PRKN: variants seen among roughly 807,000 people sequenced by gnomAD.
The protein encoded by PRKN is E3 ubiquitin-protein ligase parkin.
In PRKN, 56 loss-of-function variants were observed where a neutral mutation model predicts 59.5. The observed-to-expected ratio is 0.94, with a 90% CI of 0.76 to 1.18. The LOEUF is 1.18. PRKN is among the 50% of genes most tolerant of loss of function. The pLI is 0.00. For synonymous variants in PRKN, 250 were observed against 222.1 expected, an observed-to-expected ratio of 1.13 and a Z score of -1.12; for missense variants, 657 against 596.4, an observed-to-expected ratio of 1.10 and a Z score of -1.06.
chr6:162,151,031 T>A (rs1431854349), intron 4 of PRKN, among the ~76,000 whole-genome samples: 1 of 152,126 alleles, frequency 6.6e-6, no homozygotes, highest in East Asian at 1.9e-4. Context: ...AGTGAAGATC[T>A]ATATGAGGCA....
intron 4 of PRKN, among the ~76,000 whole-genome samples, chr6:162,095,196 G>A (rs527953232): frequency 6.6e-6 from 1 of 152,246 alleles, no homozygotes; most frequent in African/African-American, 2.4e-5. Flanking sequence ...TGGAGTTAGA[G>A]ATGATCAAAT....
intron 7 of PRKN, among the ~76,000 whole-genome samples, chr6:161,643,828 TAAC>T (rs1267909436): frequency 3.3e-5 from 5 of 152,204 alleles, no homozygotes; most frequent in African/African-American, 1.2e-4. Flanking sequence ...GGCATAATAA[TAAC>T]AACAATGACA....
At position 161,357,236 on chromosome 6, in the gene PRKN, G is replaced by C. The variant is rs1253817613; in HGVS notation, c.1285+2852C>G. On this transcript the variant is annotated intron_variant, in intron 11 of 11. Transcript: ENST00000366898. The surrounding 1 kb of genome is among the most constrained non-coding windows in gnomAD (Gnocchi z 5.5). ...CCAGCTAACTTTTCTATTTTTAGTG[G>C]AGACGGGGTTTCGCCATGTTGGCCA... is the stretch of plus-strand genomic sequence containing the variant. Among the ~76,000 whole-genome samples, 1 of 152,096 alleles carries C rather than the reference G, an allele frequency of 6.6e-6. No individual in the cohort carries two copies. Among genetic ancestry groups the C allele is most frequent in the African/African-American group, 2.4e-5 (1 of 41,420 alleles).
intron 9 of PRKN, among the ~76,000 whole-genome samples, chr6:161,519,834 C>G (rs887431119): frequency 6.6e-6 from 1 of 152,066 alleles, no homozygotes; most frequent in Non-Finnish European, 1.5e-5. Context: ...CAGCGCATTC[C>G]TCCATCTTAT....
At chr6:162,313,575 C>T (rs1782622019) in intron 2 of PRKN, among the ~76,000 whole-genome samples, 1 of 151,986 alleles carries the variant, frequency 6.6e-6, no homozygotes, top group Non-Finnish European at 1.5e-5. Context: ...GCAACCTCCA[C>T]CTCCCGGGTT....
At chr6:161,505,399 G>C (rs1222735305) in intron 9 of PRKN, among the ~76,000 whole-genome samples, 1 of 150,658 alleles carries the variant, frequency 6.6e-6, no homozygotes, top group African/African-American at 2.5e-5. Flanking sequence ...AAATTTGTTT[G>C]AGTTCATTGT....
chr6:161,866,260 A>G (rs1794105750), intron 6 of PRKN, among the ~76,000 whole-genome samples: 1 of 151,628 alleles, frequency 6.6e-6, no homozygotes, highest in African/African-American at 2.4e-5. Flanking sequence ...ATAATAATGA[A>G]AAAGTTAAAT....
At chr6:161,394,184 ATTTCC>A (rs921521571) in intron 9 of PRKN, among the ~76,000 whole-genome samples, 2 of 152,192 alleles carry the variant, frequency 1.3e-5, no homozygotes, top group Non-Finnish European at 2.9e-5. Flanking sequence ...AAGTAAGGTT[ATTTCC>A]TTTCAAGTAC....
chr6:161,438,447 A>G (rs1029415545), intron 9 of PRKN, among the ~76,000 whole-genome samples: 1 of 151,914 alleles, frequency 6.6e-6, no homozygotes, highest in Admixed American at 6.6e-5. Context: ...CTGTCTCTTG[A>G]CCTCGTAATC....
chr6:162,312,082 C>G (rs1216405392), intron 2 of PRKN, among the ~76,000 whole-genome samples: 1 of 151,996 alleles, frequency 6.6e-6, no homozygotes, highest in Non-Finnish European at 1.5e-5. Context: ...TAAATAACTG[C>G]TTGGAACTCA....
intron 7 of PRKN, among the ~76,000 whole-genome samples, chr6:161,781,197 T>C (rs143969164): frequency 3.5e-4 from 53 of 152,348 alleles, no homozygotes; most frequent in African/African-American, 1.1e-3. Flanking sequence ...TTAGCACTTG[T>C]AGTTATTAAA....
intron 7 of PRKN, among the ~76,000 whole-genome samples, chr6:161,749,714 G>C (rs1310298353): frequency 6.6e-6 from 1 of 152,068 alleles, no homozygotes; most frequent in East Asian, 1.9e-4. Flanking sequence ...GAAAGGCTCT[G>C]TAATCCCTCG....
intron 5 of PRKN, among the ~76,000 whole-genome samples, chr6:162,023,745 G>A (rs1311522189): frequency 6.6e-6 from 1 of 152,084 alleles, no homozygotes; most frequent in Admixed American, 6.6e-5. Context: ...AGGACTACCT[G>A]TCTTCACCTA....
chr6:161,705,400 T>TG (rs1284732844), intron 7 of PRKN, among the ~76,000 whole-genome samples: 1 of 152,122 alleles, frequency 6.6e-6, no homozygotes, highest in Non-Finnish European at 1.5e-5. Flanking sequence ...GTACAAAAAG[T>TG]GAAAAACAAG....
At chr6:161,370,075 C>A in intron 10 of PRKN, 1 of 374,230 alleles carries the variant, frequency 2.7e-6, no homozygotes, top group Non-Finnish European at 5.9e-6. Flanking sequence ...GAATATGACC[C>A]TGTGGGAGTT....
chr6:161,537,626 T>C (rs1430845323), intron 9 of PRKN, among the ~76,000 whole-genome samples: 2 of 152,092 alleles, frequency 1.3e-5, no homozygotes, highest in African/African-American at 4.8e-5. Flanking sequence ...TAATTTTTTG[T>C]GTTTTTAGTA....
At position 162,276,238 on chromosome 6, in the gene PRKN, T is replaced by G. The variant is rs149386650; in HGVS notation, c.172-13473A>C. ...TCTTCCATCTTAATCTTCTTTTCTC[T>G]TGTTCAAAATCGTGAAAATGAAATG... is the stretch of plus-strand genomic sequence containing the variant. On this transcript the variant is annotated intron_variant, in intron 2 of 11. Transcript: ENST00000366898. Among the ~76,000 whole-genome samples, 25 of 152,330 alleles carry G rather than the reference T, an allele frequency of 1.6e-4. No homozygotes were observed. In the East Asian group the frequency reaches 4.8e-3, roughly 29 times the overall value.
chr6:162,087,949 T>C (rs1779323654), intron 4 of PRKN, among the ~76,000 whole-genome samples: 1 of 152,168 alleles, frequency 6.6e-6, no homozygotes, highest in African/African-American at 2.4e-5. Flanking sequence ...ACATTCCAGC[T>C]TCCTAAACGC....
At chr6:162,322,947 C>T (rs1022522125) in intron 2 of PRKN, among the ~76,000 whole-genome samples, 17 of 151,526 alleles carry the variant, frequency 1.1e-4, no homozygotes, top group African/African-American at 4.1e-4. Context: ...TGGAAATCAT[C>T]ATTCTCAGTA....
Sources: allele counts gnomAD v4.1 joint callset (sites outside exome capture counted in the v4.1 genomes callset), GRCh38; gene constraint gnomAD v4.1.1; non-coding constraint Gnocchi (gnomAD v3.1); transcripts MANE v1.5; gene names NCBI Gene and HGNC (gene_info 2026-07-23, HGNC 2026-07-21).